The following TRIM42 variants were observed in gnomAD, a reference collection of about 807,000 sequenced individuals.
The protein encoded by TRIM42 is tripartite motif containing 42, also known as tripartite motif-containing protein 42.
A neutral mutation model predicts 64.9 loss-of-function variants in TRIM42; 59 were observed. The ratio of observed to expected loss-of-function variants is 0.91; its 90% CI spans 0.74 to 1.13. The LOEUF (loss-of-function observed/expected upper bound fraction) is 1.13. TRIM42 is among the 50% of genes most tolerant of loss of function. The pLI, the probability that TRIM42 is intolerant of heterozygous loss-of-function variation, is 0.00. For synonymous variants in TRIM42, 354 were observed against 346.3 expected, an observed-to-expected ratio of 1.02 and a Z score of -0.25; for missense variants, 878 against 929.5, an observed-to-expected ratio of 0.94 and a Z score of 0.72.
Position 140,683,071 on chromosome 3 carries a change from C to A in TRIM42, c.951C>A (p.Phe317Leu), listed in dbSNP as rs1988456096. The A allele has an allele frequency of 1.9e-6, 3 of 1,614,118 alleles. No individual in the cohort carries two copies. Among genetic ancestry groups the A allele is most frequent in the Non-Finnish European group, 2.5e-6 (3 of 1,180,044 alleles). ...KLLCTFCKFS[F>L]HNGHDTISLI... ...TCTGCACCTTCTGCAAGTTCTCTTTCCACAATGGCCACGACACCATTAGCC... is the reference window on the plus strand; with the variant it reads ...TCTGCACCTTCTGCAAGTTCTCTTTACACAATGGCCACGACACCATTAGCC... Residue 317 changes from phenylalanine (F) to leucine (L), a missense_variant, in exon 2 of 5, where the codon TTC (phenylalanine) becomes TTA (leucine). Phe to Leu is a conservative substitution (Grantham distance 22). Transcript: ENST00000286349.
Position 140,687,741 on chromosome 3 carries a change from T to C in TRIM42, c.1059T>C (p.Asn353=). The change falls in exon 3 of 5, where the codon AAT becomes AAC. Residue 353 remains asparagine, a synonymous_variant. Transcript: ENST00000286349. ...KFKAVRYEID[N]DLMEFNILKN... is the part of the protein sequence containing the mutation. ...TTGCAGTCCGATATGAAATTGATAA[T>C]GACCTAATGGAATTCAACATCTTAA... 1 of 1,607,000 alleles carries C rather than the reference T, an allele frequency of 6.2e-7. No homozygotes were observed. Among genetic ancestry groups the C allele is most frequent in the Admixed American group, 1.7e-5 (1 of 58,544 alleles).
chr3:140,692,168 T>G (rs957868877), intron 4 of TRIM42, among the ~76,000 whole-genome samples: 2 of 151,974 alleles, frequency 1.3e-5, no homozygotes, highest in African/African-American at 2.4e-5. Flanking sequence ...TCTCTCTCAC[T>G]CTCTCATTCT....
Position 140,700,990 on chromosome 3 carries a change from G to A in TRIM42, c.*16G>A, listed in dbSNP as rs773330121. 1 of 1,612,242 alleles carries A rather than the reference G, an allele frequency of 6.2e-7. No individual in the cohort carries two copies. The highest frequency in any genetic ancestry group is 8.5e-7 in the Non-Finnish European group (1 of 1,178,548). ...GCACTTCTGAGCCCCTTCAGAGCAG[G>A]AAACAACCTCAGACTCATCACAAAG... On this transcript the variant is annotated 3_prime_UTR_variant, in exon 5 of 5. Transcript: ENST00000286349.
intron 4 of TRIM42, among the ~76,000 whole-genome samples, chr3:140,691,624 AT>A (rs1267618870): frequency 6.6e-6 from 1 of 152,184 alleles, no homozygotes; most frequent in Non-Finnish European, 1.5e-5. Flanking sequence ...TTAAATTTGA[AT>A]TTCTGGCACA....
chr3:140,679,617 T>C (rs1412032998), intron 1 of TRIM42, among the ~76,000 whole-genome samples: 1 of 152,172 alleles, frequency 6.6e-6, no homozygotes, highest in Admixed American at 6.5e-5. Flanking sequence ...CATGACCCTC[T>C]CATAGTGTTT....
intron 1 of TRIM42, chr3:140,680,684 GA>G (rs1220725001): frequency 4.5e-5 from 44 of 985,266 alleles, no homozygotes; most frequent in Non-Finnish European, 5.1e-5. Flanking sequence ...ACCCATGCAG[GA>G]ATCTGGGAAA....
rs745936263 is a variant in TRIM42 at position 140,678,525 on chromosome 3, C to T, written c.296C>T (p.Thr99Ile). ...TATGAGAGCCGCTGCTGCCGCAATACCATCATCACTTTCCACAAGGGCCGC... is the reference window on the plus strand; with the variant it reads ...TATGAGAGCCGCTGCTGCCGCAATATCATCATCACTTTCCACAAGGGCCGC... ...YYYESRCCRN[T>I]IITFHKGRLR... The change falls in exon 1 of 5, where the codon ACC (threonine) becomes ATC (isoleucine). Residue 99 changes from threonine to isoleucine, a missense_variant. Coordinates refer to ENST00000286349, the MANE Select transcript of TRIM42 (RefSeq NM_152616.5). 3 of 1,614,072 alleles carry T rather than the reference C, an allele frequency of 1.9e-6. No homozygotes were observed. Among genetic ancestry groups the T allele is most frequent in the Non-Finnish European group, 1.7e-6 (2 of 1,179,960 alleles).
Position 140,700,905 on chromosome 3 carries a change from A to C in TRIM42, c.2103A>C (p.Gly701=). 3 of 1,614,114 alleles carry C rather than the reference A, an allele frequency of 1.9e-6. No homozygotes were observed. The highest frequency in any genetic ancestry group is 2.5e-6 in the Non-Finnish European group (3 of 1,179,956). ...GATTGCAGGTGGTAACACCAGATGG[A>C]CATGGGAAGAACCGAGCTAAGTGGG... ...SDICKVVTPD[G]HGKNRAKWGL... is the part of the protein sequence containing the mutation. The change falls in exon 5 of 5, where the codon GGA becomes GGC. Residue 701 remains glycine (G), a synonymous_variant. Coordinates refer to ENST00000286349, the MANE Select transcript of TRIM42 (RefSeq NM_152616.5).
At chr3:140,688,933 TGCA>T (rs1477121413) in intron 3 of TRIM42, among the ~76,000 whole-genome samples, 1 of 152,222 alleles carries the variant, frequency 6.6e-6, no homozygotes, top group Non-Finnish European at 1.5e-5. Context: ...TACTTAGAAA[TGCA>T]GGCTCCATTA....
intron 1 of TRIM42, 44 bp from the exon 2 acceptor site, chr3:140,682,418 C>A: frequency 6.4e-7 from 1 of 1,573,232 alleles, no homozygotes; most frequent in South Asian, 1.2e-5. Flanking sequence ...AGAGCAAGCT[C>A]TTGAGCCTGC....
At chr3:140,687,280 C>T (rs1988566812) in intron 2 of TRIM42, among the ~76,000 whole-genome samples, 1 of 152,198 alleles carries the variant, frequency 6.6e-6, no homozygotes, top group African/African-American at 2.4e-5. Context: ...GCAAGACAAC[C>T]TTTAGAAGTA....
At chr3:140,700,055 C>A (rs1270155530) in intron 4 of TRIM42, among the ~76,000 whole-genome samples, 1 of 152,168 alleles carries the variant, frequency 6.6e-6, no homozygotes, top group African/African-American at 2.4e-5. Context: ...CCCATTGATC[C>A]AGTGGACTGT....
In TRIM42 at chr3:140,682,802, C is replaced by T. The variant is rs1576416027; in HGVS notation, c.682C>T (p.Arg228Cys). The T allele has an allele frequency of 1.2e-6, 2 of 1,613,870 alleles. No homozygotes were observed. The highest frequency in any genetic ancestry group is 2.2e-5 in the South Asian group (2 of 91,084). The stretch of plus-strand genomic sequence containing the variant: ...GCAGGAGCACGGCTACCTCAAGTGG[C>T]GCTTTGACCGCTCCTCCGGGCCCAT... ...YMQEHGYLKW[R>C]FDRSSGPILC... is the part of the protein sequence containing the mutation. Residue 228 changes from arginine (R) to cysteine (C), a missense_variant, in exon 2 of 5, where the codon CGC becomes TGC. Coordinates refer to ENST00000286349, the MANE Select transcript of TRIM42 (RefSeq NM_152616.5).
intron 1 of TRIM42, among the ~76,000 whole-genome samples, chr3:140,681,360 A>G (rs1559934980): frequency 6.6e-6 from 1 of 152,230 alleles, no homozygotes; most frequent in Non-Finnish European, 1.5e-5. Context: ...AAGCACTTAC[A>G]TGGATTACCT....
At chr3:140,680,391 C>G (rs1449302606) in intron 1 of TRIM42, among the ~76,000 whole-genome samples, 2 of 152,102 alleles carry the variant, frequency 1.3e-5, no homozygotes, top group Non-Finnish European at 2.9e-5. Flanking sequence ...TTTGTCACTT[C>G]CTTTTTCACC....
intron 2 of TRIM42, among the ~76,000 whole-genome samples, chr3:140,686,238 T>G (rs1184044837): frequency 1.3e-5 from 2 of 152,164 alleles, no homozygotes; most frequent in Non-Finnish European, 2.9e-5. Flanking sequence ...ATGCGCAAAG[T>G]AGAATTCTGG....
intron 4 of TRIM42, among the ~76,000 whole-genome samples, chr3:140,691,873 A>G (rs2107764121): frequency 6.6e-6 from 1 of 152,282 alleles, no homozygotes; most frequent in East Asian, 1.9e-4. Context: ...AGAGAATAAA[A>G]ATACCAAGAC....
Position 140,682,539 on chromosome 3 carries a change from T to C in TRIM42, c.419T>C (p.Leu140Pro), listed in dbSNP as rs756226288. The C allele has an allele frequency of 3.7e-6, 6 of 1,614,254 alleles. No individual in the cohort carries two copies. Among genetic ancestry groups the C allele is most frequent in the Non-Finnish European group, 5.1e-6 (6 of 1,180,044 alleles). The change falls in exon 2 of 5, where the codon CTG becomes CCG. Residue 140 changes from leucine to proline, a missense_variant. Physicochemically the swap from Leu to Pro is moderately conservative, Grantham distance 98 (BLOSUM62 -3). Coordinates refer to ENST00000286349, the MANE Select transcript of TRIM42 (RefSeq NM_152616.5). Reference sequence around the variant, plus strand: ...AAGTCAATACCAGCCAACAGTCACCTGGTGAACCACCTCAATTGCCCCATG... The same window carrying C: ...AAGTCAATACCAGCCAACAGTCACCCGGTGAACCACCTCAATTGCCCCATG... ...EVKSIPANSH[L>P]VNHLNCPMCS...
At position 140,688,398 on chromosome 3, in the gene TRIM42, C is replaced by T. The variant is rs1323640315; in HGVS notation, c.1716C>T (p.Tyr572=). The T allele has an allele frequency of 2.5e-6, 4 of 1,614,112 alleles. No homozygotes were observed. In the Middle Eastern group the frequency reaches 4.9e-4, roughly 199 times the overall value. Residue 572 remains tyrosine, a synonymous_variant, in exon 3 of 5, where the codon TAC becomes TAT. Transcript: ENST00000286349. ...CCGCCAAACCCACAGACGGCCTCTA[C>T]ACCTACTGGAGTGCTGGAGCAGACA... ...ATPAKPTDGL[Y]TYWSAGADSQ...
Sources: gnomAD v4.1 joint callset for allele counts (sites outside exome capture counted in the v4.1 genomes callset) on GRCh38, gnomAD v4.1.1 for gene constraint, MANE v1.5 for transcripts, NCBI Gene and HGNC (gene_info 2026-07-23, HGNC 2026-07-21) for gene names.